The following FER variants were observed in gnomAD, a reference collection of about 807,000 sequenced individuals.
FER encodes FER tyrosine kinase, also known as tyrosine-protein kinase Fer.
Under a neutral mutation model 111.0 loss-of-function variants are expected in FER, and 63 were observed. That is an observed-to-expected ratio of 0.57 (90% CI 0.46 to 0.70). FER has a LOEUF of 0.70. FER is among the 30% of genes least tolerant of loss of function. The pLI is 0.00. For synonymous variants in FER, 327 were observed against 313.9 expected, an observed-to-expected ratio of 1.04 and a Z score of -0.44; for missense variants, 914 against 954.0, an observed-to-expected ratio of 0.96 and a Z score of 0.55.
At chr5:109,053,118 G>A (rs1373447013) in intron 16 of FER, among the ~76,000 whole-genome samples, 1 of 152,138 alleles carries the variant, frequency 6.6e-6, no homozygotes, top group African/African-American at 2.4e-5. Context: ...CGGGAACAGT[G>A]GCTCACGCCT....
At position 108,903,791 on chromosome 5, in the gene FER, A is replaced by C. The variant is rs973494620; in HGVS notation, c.1236+5943A>C. On this transcript the variant is annotated intron_variant, in intron 10 of 19. Coordinates refer to ENST00000281092, the MANE Select transcript of FER (RefSeq NM_005246.4). ...TAGATTTTCTGTAAGATTATTTTAC[A>C]TATTTCTTATTCATAAAGGAAAAAC... Among the ~76,000 whole-genome samples, 10 of 152,320 alleles carry C rather than the reference A, an allele frequency of 6.6e-5. 1 individual carries two copies. The South Asian group carries it at 2.1e-3, about 32-fold the overall frequency.
intron 9 of FER, chr5:108,894,419 C>T (rs1748714450): frequency 3.1e-6 from 2 of 636,234 alleles, no homozygotes; most frequent in African/African-American, 1.9e-5. Context: ...CTGCTGGCAA[C>T]TGCATGTATC....
intron 2 of FER, chr5:108,782,563 C>T (rs1336749839): frequency 6.6e-6 from 1 of 152,072 alleles, no homozygotes; most frequent in African/African-American, 2.4e-5. Context: ...AAGATTTCCT[C>T]CTGTATTTTT....
intron 14 of FER, among the ~76,000 whole-genome samples, chr5:109,043,087 G>C (rs76531724): frequency 0.017 from 2,639 of 152,274 alleles, 28 homozygotes; most frequent in Middle Eastern, 0.027. Context: ...CAAGGAATAA[G>C]ACAAAAAGTA....
At chr5:109,025,848 C>G (rs553074287) in intron 13 of FER, among the ~76,000 whole-genome samples, 1 of 152,236 alleles carries the variant, frequency 6.6e-6, no homozygotes, top group South Asian at 2.1e-4. Context: ...TGAATTTTGT[C>G]AAAGGCCTTT....
chr5:108,836,614 C>T (rs1760688035), intron 5 of FER, among the ~76,000 whole-genome samples: 1 of 152,040 alleles, frequency 6.6e-6, no homozygotes, highest in Admixed American at 6.6e-5. Flanking sequence ...ATTCATCTTT[C>T]TCTACATTTT....
At chr5:108,930,336 C>T (rs1317803865) in intron 10 of FER, among the ~76,000 whole-genome samples, 1 of 122,356 alleles carries the variant, frequency 8.2e-6, no homozygotes, top group Admixed American at 8.1e-5. Flanking sequence ...TTTCTTATCC[C>T]CTCCCCTCCC....
intron 2 of FER, among the ~76,000 whole-genome samples, chr5:108,797,426 A>G (rs1756153557): frequency 2.0e-5 from 3 of 152,166 alleles, no homozygotes; most frequent in Admixed American, 1.3e-4. Flanking sequence ...GGAATGGGCA[A>G]TTCCCCTCTG....
At chr5:109,146,871 A>G (rs1051295295) in intron 17 of FER, among the ~76,000 whole-genome samples, 1 of 152,088 alleles carries the variant, frequency 6.6e-6, no homozygotes, top group African/African-American at 2.4e-5. Flanking sequence ...AGAAAATCCA[A>G]AGGAGATTTA....
chr5:108,796,621 C>T (rs1466325857), intron 2 of FER, among the ~76,000 whole-genome samples: 2 of 152,132 alleles, frequency 1.3e-5, no homozygotes, highest in Non-Finnish European at 2.9e-5. Flanking sequence ...CTCCTTTCCT[C>T]AAGTAGAAGA....
intron 1 of FER, among the ~76,000 whole-genome samples, chr5:108,759,405 A>G (rs1205469627): frequency 6.6e-6 from 1 of 152,166 alleles, no homozygotes; most frequent in Non-Finnish European, 1.5e-5. Flanking sequence ...TCTAGCATTC[A>G]TCTTCAGAAC....
chr5:108,809,452 A>G (rs890364761), intron 3 of FER, among the ~76,000 whole-genome samples: 1 of 152,212 alleles, frequency 6.6e-6, no homozygotes, highest in African/African-American at 2.4e-5. Context: ...ATGCTGATGT[A>G]TTCCTTCATT....
At chr5:108,952,112 T>C (rs1025076975) in intron 11 of FER, among the ~76,000 whole-genome samples, 1 of 152,144 alleles carries the variant, frequency 6.6e-6, no homozygotes. Flanking sequence ...ATATAACTTA[T>C]TAACTGTACT....
At chr5:109,127,600 T>A (rs1302889434) in intron 17 of FER, among the ~76,000 whole-genome samples, 1 of 151,852 alleles carries the variant, frequency 6.6e-6, no homozygotes, top group Non-Finnish European at 1.5e-5. Flanking sequence ...AGAGACGGGG[T>A]TTCACCATGT....
At chr5:109,108,324 G>T (rs1749194694) in intron 17 of FER, among the ~76,000 whole-genome samples, 1 of 152,106 alleles carries the variant, frequency 6.6e-6, no homozygotes, top group South Asian at 2.1e-4. Context: ...TAAAGCAAAA[G>T]AATTAAACTA....
Position 109,188,624 on chromosome 5 carries a change from A to C in FER, c.*1049A>C, listed in dbSNP as rs981290418. On this transcript the variant is annotated 3_prime_UTR_variant, in exon 20 of 20. Coordinates refer to ENST00000281092, the MANE Select transcript of FER (RefSeq NM_005246.4). ...TAAACATCTAAACAAACAAACATTC[A>C]CATATTCTATTCTAAAAACACATAA... 1 of 152,140 alleles carries C rather than the reference A, an allele frequency of 6.6e-6. No homozygotes were observed. Among genetic ancestry groups the C allele is most frequent in the African/African-American group, 2.4e-5 (1 of 41,432 alleles). The allele number at this position is 152,140 out of a possible 1,614,324, so 9.4% of individuals were successfully genotyped here. A position where few individuals can be genotyped will look rare whatever the true frequency, so the allele number is the denominator to read the frequency against.
intron 11 of FER, among the ~76,000 whole-genome samples, chr5:108,950,914 C>G (rs913182718): frequency 1.3e-5 from 2 of 152,106 alleles, no homozygotes; most frequent in East Asian, 3.9e-4. Flanking sequence ...CTCATCCCCT[C>G]CCAAAATTCC....
intron 17 of FER, among the ~76,000 whole-genome samples, chr5:109,147,774 C>T (rs1376929026): frequency 2.4e-5 from 3 of 126,484 alleles, no homozygotes; most frequent in African/African-American, 9.4e-5. Context: ...CACACACACA[C>T]ACATACATAT....
chr5:108,912,037 C>G (rs1243708675), intron 10 of FER, among the ~76,000 whole-genome samples: 1 of 152,088 alleles, frequency 6.6e-6, no homozygotes, highest in African/African-American at 2.4e-5. Context: ...TAAGGGGTTT[C>G]CTCTTTTGCT....
Sources: gnomAD v4.1 joint callset for allele counts (sites outside exome capture counted in the v4.1 genomes callset) on GRCh38, gnomAD v4.1.1 for gene constraint, MANE v1.5 for transcripts, NCBI Gene and HGNC (gene_info 2026-07-23, HGNC 2026-07-21) for gene names.